The following SCFD2 variants were observed in gnomAD, a reference collection of about 807,000 sequenced individuals.
The protein encoded by SCFD2 is sec1 family domain-containing protein 2.
Under a neutral mutation model 58.9 loss-of-function variants are expected in SCFD2, and 54 were observed. The ratio of observed to expected loss-of-function variants is 0.92; its 90% confidence interval spans 0.74 to 1.15. The LOEUF is 1.15. Among genes scored for constraint, SCFD2 ranks in the 50% most tolerant of loss-of-function variants. SCFD2 has a pLI of 0.00. For synonymous variants in SCFD2, 321 were observed against 335.9 expected (o/e 0.96, Z 0.49); for missense variants, 805 against 836.6 (o/e 0.96, Z 0.47).
rs553218418 is a variant in SCFD2 at position 52,960,721 on chromosome 4, C to T, written c.1562-39851G>A. ...CATTTCTTTCTCTGACACACACACA[C>T]ACACACAACACACACACACACACCA... On this transcript the variant is annotated intron_variant, in intron 5 of 8. Transcript: ENST00000401642. 2.5e-4 allele frequency among the ~76,000 whole-genome samples: 37 copies of T among 147,428 alleles called. No homozygotes were observed. In the East Asian group the frequency reaches 6.4e-3, roughly 25 times the overall value.
chr4:53,082,357 T>C (rs1431816025), intron 5 of SCFD2, among the ~76,000 whole-genome samples: 2 of 152,144 alleles, frequency 1.3e-5, no homozygotes, highest in Admixed American at 6.6e-5. Context: ...GTATTTGTTA[T>C]TGTCCTTTTT....
At chr4:53,155,599 A>T (rs1726655776) in intron 4 of SCFD2, among the ~76,000 whole-genome samples, 2 of 152,232 alleles carry the variant, frequency 1.3e-5, no homozygotes, top group Non-Finnish European at 2.9e-5. Context: ...ATGCATGAAC[A>T]GGCAATTCAG....
At position 52,995,341 on chromosome 4, in the gene SCFD2, G is replaced by C. The variant is rs149617938; in HGVS notation, c.1562-74471C>G. Among the ~76,000 whole-genome samples the C allele has an allele frequency of 4.9e-4, 74 of 152,314 alleles. No homozygotes were observed. In the East Asian group the frequency reaches 0.014, roughly 28 times the overall value. ...TAACGCTGCTGCTGATCTGACAGGA[G>C]GTGGAGCTCAGGCGGTAATGCTCCC... On this transcript the variant is annotated intron_variant, in intron 5 of 8. Transcript: ENST00000401642.
At chr4:52,936,626 T>C (rs1056649949) in intron 5 of SCFD2, among the ~76,000 whole-genome samples, 4 of 152,176 alleles carry the variant, frequency 2.6e-5, no homozygotes, top group African/African-American at 9.7e-5. Context: ...GTGAACACCA[T>C]TTAGACTTCC....
At chr4:53,033,935 T>C (rs975371723) in intron 5 of SCFD2, among the ~76,000 whole-genome samples, 1 of 151,970 alleles carries the variant, frequency 6.6e-6, no homozygotes, top group Non-Finnish European at 1.5e-5. Flanking sequence ...GCAACAGAAA[T>C]AGAGGGAATC....
At chr4:53,280,376 C>A (rs550976698) in intron 3 of SCFD2, among the ~76,000 whole-genome samples, 5 of 152,174 alleles carry the variant, frequency 3.3e-5, no homozygotes, top group African/African-American at 7.2e-5. Context: ...ATTAGCCAGG[C>A]ATAGTATCAT....
At chr4:53,168,969 C>A (rs1727094822) in intron 4 of SCFD2, among the ~76,000 whole-genome samples, 1 of 152,180 alleles carries the variant, frequency 6.6e-6, no homozygotes, top group Non-Finnish European at 1.5e-5. Context: ...ATTTTAGATT[C>A]CACATATAAG....
chr4:53,205,810 C>T (rs368110290), intron 4 of SCFD2, among the ~76,000 whole-genome samples: 4 of 150,376 alleles, frequency 2.7e-5, no homozygotes, highest in South Asian at 2.1e-4. Flanking sequence ...TGCAGTGAGC[C>T]GAGACTGAGC....
intron 4 of SCFD2, among the ~76,000 whole-genome samples, chr4:53,208,166 C>G (rs1728496471): frequency 6.6e-6 from 1 of 151,340 alleles, no homozygotes; most frequent in Non-Finnish European, 1.5e-5. Flanking sequence ...TATAGAGAGA[C>G]AGCGTTTGCC....
At position 53,221,254 on chromosome 4, in the gene SCFD2, A is replaced by T. The variant is rs567394638; in HGVS notation, c.1311+52572T>A. On this transcript the variant is annotated intron_variant, in intron 4 of 8. Coordinates refer to ENST00000401642, the MANE Select transcript of SCFD2 (RefSeq NM_152540.4). ...AGTAAGATAATGTTGATCATTACAGAATCTCCTCAAATAAAGGAATAATAA... is the reference window on the plus strand; with the variant it reads ...AGTAAGATAATGTTGATCATTACAGTATCTCCTCAAATAAAGGAATAATAA... Among the ~76,000 whole-genome samples, 3 of 152,314 alleles carry T rather than the reference A, an allele frequency of 2.0e-5. No homozygotes were observed. The South Asian group carries it at 6.2e-4, about 32-fold the overall frequency.
At chr4:52,900,298 T>A (rs1719153892) in intron 7 of SCFD2, among the ~76,000 whole-genome samples, 1 of 152,228 alleles carries the variant, frequency 6.6e-6, no homozygotes. Flanking sequence ...CCTTTGGTCT[T>A]TGATGATGGT....
intron 5 of SCFD2, among the ~76,000 whole-genome samples, chr4:53,131,438 C>T (rs763291643): frequency 8.6e-5 from 13 of 151,820 alleles, no homozygotes; most frequent in Non-Finnish European, 1.2e-4. Context: ...ACCATGGGGG[C>T]GAAGGTGAGT....
At chr4:53,312,305 A>C (rs1223710249) in intron 3 of SCFD2, among the ~76,000 whole-genome samples, 3 of 152,234 alleles carry the variant, frequency 2.0e-5, no homozygotes, top group Non-Finnish European at 2.9e-5. Flanking sequence ...GATTTTATAA[A>C]TAAAGTGCAT....
intron 4 of SCFD2, among the ~76,000 whole-genome samples, chr4:53,210,847 T>G (rs1728587033): frequency 6.6e-6 from 1 of 151,948 alleles, no homozygotes; most frequent in African/African-American, 2.4e-5. Context: ...AAGGCAGCAC[T>G]CTAATCTTCC....
intron 5 of SCFD2, among the ~76,000 whole-genome samples, chr4:53,060,606 C>T (rs1723482103): frequency 1.3e-5 from 2 of 152,034 alleles, no homozygotes; most frequent in Non-Finnish European, 2.9e-5. Context: ...GATATCTCAA[C>T]ATACTGAATG....
At chr4:53,215,454 A>G (rs149566996) in intron 4 of SCFD2, among the ~76,000 whole-genome samples, 41,438 of 150,904 alleles carry the variant, frequency 0.27, 6,187 homozygotes, top group Non-Finnish European at 0.35. Context: ...GCTGTCTGTT[A>G]TTGGTGTATA....
intron 5 of SCFD2, among the ~76,000 whole-genome samples, chr4:53,143,169 GTGAATATCAAA>G (rs1363640736): frequency 6.6e-6 from 1 of 152,160 alleles, no homozygotes; most frequent in African/African-American, 2.4e-5. Context: ...AACACCTTGA[GTGAATATCAAA>G]TGAATATTCT....
chr4:52,902,397 C>T (rs564154063), intron 7 of SCFD2, among the ~76,000 whole-genome samples: 2 of 152,352 alleles, frequency 1.3e-5, no homozygotes, highest in Admixed American at 1.3e-4. Flanking sequence ...GCACTCAGCA[C>T]TCTATGTCTT....
At chr4:53,015,761 G>A (rs536134071) in intron 5 of SCFD2, among the ~76,000 whole-genome samples, 1 of 152,182 alleles carries the variant, frequency 6.6e-6, no homozygotes, top group East Asian at 1.9e-4. Context: ...AAGAGAAATA[G>A]CAAATTGATA....
Sources: allele counts gnomAD v4.1 joint callset (sites outside exome capture counted in the v4.1 genomes callset), GRCh38; gene constraint gnomAD v4.1.1; transcripts MANE v1.5; gene names NCBI Gene and HGNC (gene_info 2026-07-23, HGNC 2026-07-21).